RAD51B: variants seen among roughly 807,000 people sequenced by gnomAD.
RAD51B encodes RAD51 paralog B, also known as DNA repair protein RAD51 homolog 2.
RAD51B carries 38 observed loss-of-function variants against 42.2 expected under a neutral mutation model. That is an observed-to-expected ratio of 0.90 (90% CI 0.70 to 1.18). RAD51B has a LOEUF of 1.18. RAD51B is among the 50% of genes most tolerant of loss of function. RAD51B has a pLI of 0.00. For missense variants in RAD51B, 373 were observed against 400.7 expected (o/e 0.93, Z 0.59); for synonymous variants, 154 against 145.2 (o/e 1.06, Z -0.43).
intron 7 of RAD51B, among the ~76,000 whole-genome samples, chr14:68,042,109 TCA>T (rs1253878390): frequency 6.6e-6 from 1 of 152,228 alleles, no homozygotes; most frequent in East Asian, 1.9e-4. Flanking sequence ...TGTGATTTTT[TCA>T]CAGAGTTTCC....
At chr14:68,507,075 AG>A (rs1315994916) in intron 10 of RAD51B, among the ~76,000 whole-genome samples, 1 of 148,334 alleles carries the variant, frequency 6.7e-6, no homozygotes, top group East Asian at 2.0e-4. Context: ...GTGTATGTGG[AG>A]GGGGTGGGGA....
intron 8 of RAD51B, among the ~76,000 whole-genome samples, chr14:68,309,644 C>G (rs2081931214): frequency 6.6e-6 from 1 of 152,096 alleles, no homozygotes; most frequent in Non-Finnish European, 1.5e-5. Flanking sequence ...TTAGGAACTT[C>G]CATAATATTT....
chr14:68,563,031 C>G (rs915703407), intron 10 of RAD51B: 3 of 985,468 alleles, frequency 3.0e-6, no homozygotes, highest in Non-Finnish European at 3.6e-6. Context: ...AGACCAACCT[C>G]TCTCACCCTG....
chr14:68,040,779 C>T lies in RAD51B; in HGVS notation c.756+153575C>T, dbSNP rs779965304. 5.3e-5 allele frequency among the ~76,000 whole-genome samples: 8 copies of T among 152,268 alleles called. No individual in the cohort carries two copies. In the East Asian group the frequency reaches 5.8e-4, roughly 11 times the overall value. On this transcript the variant is annotated intron_variant, in intron 7 of 10. Transcript: ENST00000471583. ...CTCACAGCATTCTTAGAGAATCACC[C>T]GGGAGCTTTTTGAAAATGCAAAATC...
chr14:68,400,115 G>T (rs2084055363), intron 8 of RAD51B, among the ~76,000 whole-genome samples: 1 of 152,166 alleles, frequency 6.6e-6, no homozygotes, highest in African/African-American at 2.4e-5. Flanking sequence ...CCTGGGCAAA[G>T]GACCCTCTCT....
At chr14:68,345,945 T>C (rs12896939) in intron 8 of RAD51B, among the ~76,000 whole-genome samples, 75,928 of 152,168 alleles carry the variant, frequency 0.5, 21,765 homozygotes, top group South Asian at 0.66. Context: ...TGAGCCACTG[T>C]GCCTGGGCAG....
At chr14:68,525,540 A>T (rs1264947163) in intron 10 of RAD51B, among the ~76,000 whole-genome samples, 1 of 152,178 alleles carries the variant, frequency 6.6e-6, no homozygotes, top group Admixed American at 6.5e-5. Context: ...GGGAATTCTC[A>T]TGGTTCTCCT....
exon 11 of RAD51B, chr14:68,594,706 A>G: frequency 1.6e-6 from 2 of 1,263,800 alleles, no homozygotes; most frequent in Non-Finnish European, 2.0e-6. Flanking sequence ...TAGGATTACA[A>G]GTATGAGACT....
chr14:68,147,684 T>C (rs1450134876), intron 7 of RAD51B, among the ~76,000 whole-genome samples: 1 of 151,982 alleles, frequency 6.6e-6, no homozygotes, highest in East Asian at 1.9e-4. Flanking sequence ...TATATAATGG[T>C]AAATGAAGAA....
At chr14:68,647,113 G>T (rs1251068351) in intron 10 of RAD51B, among the ~76,000 whole-genome samples, 1 of 152,068 alleles carries the variant, frequency 6.6e-6, no homozygotes, top group Non-Finnish European at 1.5e-5. Context: ...AAATATAAAA[G>T]AACTTCATTT....
intron 7 of RAD51B, among the ~76,000 whole-genome samples, chr14:67,994,023 C>T (rs1240558203): frequency 6.6e-6 from 1 of 151,746 alleles, no homozygotes; most frequent in African/African-American, 2.4e-5. Context: ...AAATATCATG[C>T]CTTTATGTAC....
chr14:68,242,453 A>G (rs991720301), intron 7 of RAD51B, among the ~76,000 whole-genome samples: 1 of 152,220 alleles, frequency 6.6e-6, no homozygotes, highest in African/African-American at 2.4e-5. Context: ...CTTACATATC[A>G]GTGCATAATA....
intron 7 of RAD51B, among the ~76,000 whole-genome samples, chr14:68,080,974 G>A (rs1002709770): frequency 6.6e-6 from 1 of 152,164 alleles, no homozygotes; most frequent in Non-Finnish European, 1.5e-5. Flanking sequence ...ATAAGGTTGT[G>A]CAGGGGAAGA....
chr14:68,431,924 G>A (rs1331770131), intron 9 of RAD51B, among the ~76,000 whole-genome samples: 1 of 152,210 alleles, frequency 6.6e-6, no homozygotes, highest in Non-Finnish European at 1.5e-5. Flanking sequence ...TGCTTTAAAT[G>A]TGTCCCAGAG....
chr14:67,907,741 T>C (rs1311294758), intron 7 of RAD51B, among the ~76,000 whole-genome samples: 3 of 152,026 alleles, frequency 2.0e-5, no homozygotes, highest in Non-Finnish European at 2.9e-5. Flanking sequence ...CTTCTGTCAG[T>C]TGGAGGAGCA....
chr14:68,226,555 G>A (rs1446375623), intron 7 of RAD51B, among the ~76,000 whole-genome samples: 1 of 152,178 alleles, frequency 6.6e-6, no homozygotes, highest in African/African-American at 2.4e-5. Context: ...GTTTTATAAA[G>A]GGGAGTTCCC....
intron 7 of RAD51B, among the ~76,000 whole-genome samples, chr14:68,204,945 AG>A (rs1417981361): frequency 6.6e-6 from 1 of 152,254 alleles, no homozygotes. Context: ...AGTGAAAAGT[AG>A]GTTATAAAAC....
chr14:67,912,151 G>A (rs185691641), intron 7 of RAD51B, among the ~76,000 whole-genome samples: 2 of 152,136 alleles, frequency 1.3e-5, no homozygotes, highest in Admixed American at 1.3e-4. Context: ...TAATTAGTCT[G>A]TAGCCAGATA....
intron 7 of RAD51B, among the ~76,000 whole-genome samples, chr14:68,086,751 A>G (rs1445758022): frequency 1.3e-5 from 2 of 152,152 alleles, no homozygotes; most frequent in Non-Finnish European, 2.9e-5. Flanking sequence ...TGAGAAAGGC[A>G]TATTCTGTTA....
Sources: allele counts gnomAD v4.1 joint callset (sites outside exome capture counted in the v4.1 genomes callset), GRCh38; gene constraint gnomAD v4.1.1; transcripts MANE v1.5; gene names NCBI Gene and HGNC (gene_info 2026-07-23, HGNC 2026-07-21).